Variants in NFIB observed in about 807,000 individuals in gnomAD.
The protein encoded by NFIB is nuclear factor 1 B-type.
Under a neutral mutation model 61.5 loss-of-function variants are expected in NFIB, and 11 were observed. The ratio of observed to expected loss-of-function variants is 0.18; its 90% CI spans 0.11 to 0.30. The LOEUF (loss-of-function observed/expected upper bound fraction) is 0.30, where lower values mean the gene tolerates loss of function less well. NFIB is among the 10% of genes least tolerant of loss of function. The pLI is 1.00. For synonymous variants in NFIB, 260 were observed against 216.5 expected, an observed-to-expected ratio of 1.20 and a Z score of -1.76; for missense variants, 471 against 608.9, an observed-to-expected ratio of 0.77 and a Z score of 2.38.
upstream of NFIB, among the ~76,000 whole-genome samples, chr9:14,318,068 G>C (rs1441377561): frequency 3.3e-5 from 5 of 152,124 alleles, no homozygotes; most frequent in Non-Finnish European, 7.4e-5. Flanking sequence ...TGGTGTGACA[G>C]GCCACTTTCA....
chr9:14,231,135 A>ATAT (rs1554681461), intron 2 of NFIB, among the ~76,000 whole-genome samples: 1,711 of 35,224 alleles, frequency 0.049, 48 homozygotes, highest in Non-Finnish European at 0.056. Context: ...AAAAAAAAAA[A>ATAT]ATATATATAT....
At chr9:14,255,828 G>C (rs2056167781) in intron 2 of NFIB, among the ~76,000 whole-genome samples, 1 of 152,204 alleles carries the variant, frequency 6.6e-6, no homozygotes, top group South Asian at 2.1e-4. Context: ...TGATCAAATA[G>C]CCTGAATGCC....
the NFIB span, among the ~76,000 whole-genome samples, chr9:14,524,109 TTC>T: frequency 6.6e-6 from 1 of 152,130 alleles, no homozygotes; most frequent in African/African-American, 2.4e-5. Context: ...TTAGCAATTA[TTC>T]ATTAAGGGCC....
intron 2 of NFIB, among the ~76,000 whole-genome samples, chr9:14,227,311 G>C (rs1164108572): frequency 2.0e-5 from 3 of 152,118 alleles, no homozygotes; most frequent in Admixed American, 6.5e-5. Context: ...CTTATTTTTA[G>C]ACTGTGATAT....
rs143140482 is a variant in NFIB, at chr9:14,326,821, A to C, written c.109-19301T>G. On this transcript the variant is annotated intron_variant, in intron 1 of 8. Coordinates refer to the NFIB transcript ENST00000380934. The stretch of plus-strand genomic sequence containing the variant: ...AAAAATAATGTTTATTGCAATTGTT[A>C]TGAATTCTCAGTTTGAAGTATCAAC... Among the ~76,000 whole-genome samples the C allele has an allele frequency of 4.2e-4, 64 of 151,896 alleles. No individual in the cohort carries two copies. The East Asian group carries it at 0.011, about 25-fold the overall frequency.
chr9:14,454,928 C>T, the NFIB span, among the ~76,000 whole-genome samples: 1 of 152,112 alleles, frequency 6.6e-6, no homozygotes, highest in African/African-American at 2.4e-5. Context: ...GCTTCTCGAA[C>T]CTGGAATGAA....
the NFIB span, among the ~76,000 whole-genome samples, chr9:14,514,499 T>G: frequency 6.6e-6 from 1 of 152,150 alleles, no homozygotes; most frequent in East Asian, 1.9e-4. Flanking sequence ...AGAAGTTGCT[T>G]TCTCACAGTA....
chr9:14,226,700 G>C (rs2052470175), intron 2 of NFIB, among the ~76,000 whole-genome samples: 1 of 152,016 alleles, frequency 6.6e-6, no homozygotes, highest in African/African-American at 2.4e-5. Context: ...TACAGCCAAA[G>C]AAACCTTAGA....
chr9:14,427,865 G>C, the NFIB span, among the ~76,000 whole-genome samples: 1 of 149,324 alleles, frequency 6.7e-6, no homozygotes, highest in East Asian at 2.0e-4. Context: ...TTTCTTTGTG[G>C]GGCAGTCTCT....
chr9:14,213,975 C>A (rs12682686), intron 2 of NFIB, among the ~76,000 whole-genome samples: 36 of 152,018 alleles, frequency 2.4e-4, no homozygotes, highest in Admixed American at 2.2e-3. Context: ...CCTCATTTCA[C>A]CTCACATCAT....
chr9:14,305,337 CT>C (rs1293243251), intron 2 of NFIB, among the ~76,000 whole-genome samples: 1 of 152,140 alleles, frequency 6.6e-6, no homozygotes, highest in Non-Finnish European at 1.5e-5. Context: ...ACATGACCCA[CT>C]TTTTGAAACT....
At chr9:14,263,271 C>A (rs1461065501) in intron 2 of NFIB, among the ~76,000 whole-genome samples, 1 of 109,158 alleles carries the variant, frequency 9.2e-6, no homozygotes, top group Non-Finnish European at 2.0e-5. Flanking sequence ...ATTTGAATAG[C>A]ATGAGGGGAT....
chr9:14,468,014 G>A, the NFIB span, among the ~76,000 whole-genome samples: 2 of 152,326 alleles, frequency 1.3e-5, no homozygotes, highest in African/African-American at 2.4e-5. Flanking sequence ...TCAAGGAAGA[G>A]TAATCAGCTT....
At chr9:14,314,727 C>A (rs2060458551), upstream of NFIB, 1 of 133,078 alleles carries the variant, frequency 7.5e-6, no homozygotes, top group South Asian at 3.0e-4. Flanking sequence ...TCCTCCTTCT[C>A]CTTCTCTCCC....
chr9:14,484,324 C>T, the NFIB span, among the ~76,000 whole-genome samples: 1 of 152,134 alleles, frequency 6.6e-6, no homozygotes, highest in African/African-American at 2.4e-5. Flanking sequence ...AATGTTATAA[C>T]TGAATAGATT....
chr9:14,415,531 T>C, the NFIB span, among the ~76,000 whole-genome samples: 24 of 152,336 alleles, frequency 1.6e-4, no homozygotes, highest in Admixed American at 2.6e-4. Context: ...TCAGAGGCTG[T>C]CTAATGCTGT....
the NFIB span, among the ~76,000 whole-genome samples, chr9:14,406,664 C>G: frequency 3.7e-4 from 57 of 152,248 alleles, no homozygotes; most frequent in Admixed American, 7.2e-4. Flanking sequence ...GGTGTGGTCA[C>G]GTGACTAATT....
At chr9:14,365,343 A>G (rs1419608893) in intron 1 of NFIB, among the ~76,000 whole-genome samples, 1 of 152,176 alleles carries the variant, frequency 6.6e-6, no homozygotes, top group Non-Finnish European at 1.5e-5. Flanking sequence ...CCCCAGTCCA[A>G]TTTTGCTGAG....
intron 6 of NFIB, among the ~76,000 whole-genome samples, chr9:14,131,913 C>T (rs992290792): frequency 2.0e-5 from 3 of 152,088 alleles, no homozygotes; most frequent in African/African-American, 7.2e-5. Context: ...ACCTGCCTGT[C>T]TGGGACACCT....
Sources: allele counts gnomAD v4.1 joint callset (sites outside exome capture counted in the v4.1 genomes callset), GRCh38; gene constraint gnomAD v4.1.1; transcripts MANE v1.5; gene names NCBI Gene and HGNC (gene_info 2026-07-23, HGNC 2026-07-21).